CXCL17: variants seen among roughly 807,000 people sequenced by gnomAD.
CXCL17 encodes the protein C-X-C motif chemokine ligand 17, also known as C-X-C motif chemokine 17.
Under a neutral mutation model 15.5 loss-of-function variants are expected in CXCL17, and 9 were observed. That is an observed-to-expected ratio of 0.58 (90% confidence interval 0.35 to 1.01). CXCL17 has a LOEUF of 1.01. Among genes scored for constraint, CXCL17 ranks in the 50% least tolerant of loss-of-function variants. The pLI, the probability that CXCL17 is intolerant of heterozygous loss-of-function variation, is 0.02. For synonymous variants in CXCL17, 52 were observed against 52.3 expected (o/e 0.99, Z 0.02); for missense variants, 133 against 138.2 (o/e 0.96, Z 0.19).
intron 1 of CXCL17, among the ~76,000 whole-genome samples, chr19:42,440,083 A>T (rs2040876585): frequency 2.6e-5 from 4 of 152,210 alleles, no homozygotes. Context: ...AAAAATGAAA[A>T]GTAAGAAAAA....
rs2040909343 is a variant in CXCL17 at position 42,442,919 on chromosome 19, G to C, written c.-87C>G. On this transcript the variant is annotated 5_prime_UTR_variant, in exon 1 of 4. Transcript: ENST00000601181. ...GCTCCTGATCCCTGGGGATGACTCA[G>C]GTCAGGATACTCAGCCTGGTGGTCT... 1.0e-6 allele frequency: 1 copy of C among 994,362 alleles called. No homozygotes were observed. Among genetic ancestry groups the C allele is most frequent in the African/African-American group, 1.6e-5 (1 of 62,392 alleles). 61.6% of individuals were successfully genotyped at this position (994,362 alleles called of 1,614,324 possible). A position where few individuals can be genotyped will look rare whatever the true frequency, so the allele number is the denominator to read the frequency against.
At chr19:42,438,459 C>T (rs192795567) in intron 1 of CXCL17, among the ~76,000 whole-genome samples, 7 of 136,738 alleles carry the variant, frequency 5.1e-5, no homozygotes, top group South Asian at 2.3e-4. Context: ...ATGAAAATGA[C>T]GTGAATGTGG....
At chr19:42,438,050 T>C (rs1268218044) in intron 1 of CXCL17, among the ~76,000 whole-genome samples, 1 of 151,828 alleles carries the variant, frequency 6.6e-6, no homozygotes, top group African/African-American at 2.4e-5. Flanking sequence ...AACAATAAGA[T>C]AGAACAATTT....
At position 42,428,811 on chromosome 19, in the gene CXCL17, G is replaced by T; in HGVS notation, c.*73C>A. The T allele has an allele frequency of 1.8e-6, 2 of 1,088,792 alleles. No individual in the cohort carries two copies. The highest frequency in any genetic ancestry group is 2.8e-6 in the Non-Finnish European group (2 of 702,044). 67.4% of individuals were successfully genotyped at this position (1,088,792 alleles called of 1,614,324 possible). The stretch of plus-strand genomic sequence containing the variant: ...GTGGGAGAGTGAGGTGGGAGAAGAA[G>T]AGTGTCTGGTAGGTGTGCTCACTGT... On this transcript the variant is annotated 3_prime_UTR_variant, in exon 4 of 4. Coordinates refer to ENST00000601181, the MANE Select transcript of CXCL17 (RefSeq NM_198477.3).
chr19:42,430,406 A>G (rs2040766474), intron 3 of CXCL17, among the ~76,000 whole-genome samples: 1 of 151,786 alleles, frequency 6.6e-6, no homozygotes, highest in African/African-American at 2.4e-5. Flanking sequence ...GACCAGCCTG[A>G]CCAACATGGA....
Position 42,428,531 on chromosome 19 carries a change from A to G in CXCL17, c.*353T>C, listed in dbSNP as rs1600155139. On this transcript the variant is annotated 3_prime_UTR_variant, in exon 4 of 4. Transcript: ENST00000601181. ...TTGGCAGACCCCATTTGAAGGAAAC[A>G]ATTTTGATCTGTGACATTTAAAAAT... 2 of 187,108 alleles carry G rather than the reference A, an allele frequency of 1.1e-5. No homozygotes were observed. The highest frequency in any genetic ancestry group is 2.7e-4 in the East Asian group (2 of 7,404). 11.6% of individuals were successfully genotyped at this position (187,108 alleles called of 1,614,324 possible). A position where few individuals can be genotyped will look rare whatever the true frequency, so the allele number is the denominator to read the frequency against.
At chr19:42,435,876 C>T (rs1173983868) in intron 1 of CXCL17, among the ~76,000 whole-genome samples, 3 of 150,422 alleles carry the variant, frequency 2.0e-5, no homozygotes, top group Non-Finnish European at 3.0e-5. Flanking sequence ...CTCTTTCATT[C>T]TCTTTCCACC....
At chr19:42,435,925 G>A (rs2147698379) in intron 1 of CXCL17, among the ~76,000 whole-genome samples, 1 of 152,076 alleles carries the variant, frequency 6.6e-6, no homozygotes, top group Non-Finnish European at 1.5e-5. Flanking sequence ...TCTGCAACCT[G>A]GAAGAGGACC....
chr19:42,428,561 A>G lies in CXCL17; in HGVS notation c.*323T>C. 1 of 214,198 alleles carries G rather than the reference A, an allele frequency of 4.7e-6. No homozygotes were observed. The allele number at this position is 214,198 out of a possible 1,614,324, so 13.3% of individuals were successfully genotyped here. Reference sequence around the variant, plus strand: ...TGATCTGTGACATTTAAAAATATTTATTGACTTCTGTTTGCTACTTTCCTG... The same window carrying G: ...TGATCTGTGACATTTAAAAATATTTGTTGACTTCTGTTTGCTACTTTCCTG... On this transcript the variant is annotated 3_prime_UTR_variant, in exon 4 of 4. Coordinates refer to ENST00000601181, the MANE Select transcript of CXCL17 (RefSeq NM_198477.3).
intron 3 of CXCL17, among the ~76,000 whole-genome samples, chr19:42,431,060 G>C (rs570963360): frequency 6.6e-6 from 1 of 152,166 alleles, no homozygotes; most frequent in Non-Finnish European, 1.5e-5. Context: ...GGCTGGTCTC[G>C]AACTCCTGAC....
intron 3 of CXCL17, 64 bp downstream of exon 3, chr19:42,432,912 C>T (rs2040797359): frequency 1.6e-6 from 2 of 1,222,554 alleles, no homozygotes; most frequent in South Asian, 2.5e-5. Flanking sequence ...TCTCAACGTG[C>T]TTCTTCCCTA....
rs2040909172 is a variant in CXCL17 at position 42,442,903 on chromosome 19, C to T, written c.-71G>A. The T allele has an allele frequency of 3.3e-6, 4 of 1,197,236 alleles. No homozygotes were observed. The highest frequency in any genetic ancestry group is 1.5e-5 in the African/African-American group (1 of 66,422). The allele number at this position is 1,197,236 out of a possible 1,614,324, so 74.2% of individuals were successfully genotyped here. On this transcript the variant is annotated 5_prime_UTR_variant, in exon 1 of 4. Coordinates refer to ENST00000601181, the MANE Select transcript of CXCL17 (RefSeq NM_198477.3). ...AGGTTCCCTGCTGGAGGCTCCTGAT[C>T]CCTGGGGATGACTCAGGTCAGGATA...
chr19:42,434,093 C>CA (rs1158205242), intron 1 of CXCL17, among the ~76,000 whole-genome samples: 7 of 152,194 alleles, frequency 4.6e-5, no homozygotes, highest in Admixed American at 3.3e-4. Context: ...CTTGGCCTCC[C>CA]AAAGTGCTAG....
intron 2 of CXCL17, 110 bp downstream of exon 2, chr19:42,433,666 G>T: frequency 1.1e-6 from 1 of 876,584 alleles, no homozygotes; most frequent in South Asian, 1.4e-5. Flanking sequence ...GTGGAGAGGG[G>T]AATGGGTGAG....
At chr19:42,435,064 A>T (rs1234929530) in intron 1 of CXCL17, among the ~76,000 whole-genome samples, 1 of 151,948 alleles carries the variant, frequency 6.6e-6, no homozygotes, top group Non-Finnish European at 1.5e-5. Context: ...CTGTAGTCCC[A>T]GCTACTCGGG....
intron 1 of CXCL17, among the ~76,000 whole-genome samples, chr19:42,438,403 TATAAAATAC>T (rs1568622682): frequency 2.8e-4 from 27 of 95,628 alleles, no homozygotes; most frequent in African/African-American, 1.2e-3. Context: ...TATATATATA[TATAAAATAC>T]ACACACACAC....
chr19:42,428,334 CT>C lies in CXCL17; in HGVS notation c.*549del, dbSNP rs112559750. 0.15 allele frequency: 20,644 copies of C among 141,892 alleles called. 1,581 individuals carry two copies. The highest frequency in any genetic ancestry group is 0.23 in the African/African-American group (9,003 of 38,952). 8.8% of individuals were successfully genotyped at this position (141,892 alleles called of 1,614,324 possible). A position where few individuals can be genotyped will look rare whatever the true frequency, so the allele number is the denominator to read the frequency against. ...AGACCGTGTCTGGTTCATTGGTATG[CT>C]TTTTTTTTTTTGTCCCACCTCGCTC... On this transcript the variant is annotated 3_prime_UTR_variant, in exon 4 of 4. Coordinates refer to ENST00000601181, the MANE Select transcript of CXCL17 (RefSeq NM_198477.3).
intron 3 of CXCL17, among the ~76,000 whole-genome samples, chr19:42,432,238 G>A (rs1471497885): frequency 7.1e-6 from 1 of 140,260 alleles, no homozygotes; most frequent in Non-Finnish European, 1.5e-5. Flanking sequence ...TCCACCTCCC[G>A]GATTAAAGCA....
chr19:42,442,159 A>G (rs1378048122), intron 1 of CXCL17, among the ~76,000 whole-genome samples: 11 of 151,768 alleles, frequency 7.2e-5, no homozygotes, highest in Non-Finnish European at 1.0e-4. Flanking sequence ...GAGCTAGTAT[A>G]TACATACATA....
Sources: allele counts gnomAD v4.1 joint callset (sites outside exome capture counted in the v4.1 genomes callset), GRCh38; gene constraint gnomAD v4.1.1; transcripts MANE v1.5; gene names NCBI Gene and HGNC (gene_info 2026-07-23, HGNC 2026-07-21).